Variants in NBEAL1 observed in about 807,000 individuals in gnomAD.
NBEAL1 encodes neurobeachin like 1.
Under a neutral mutation model 351.3 loss-of-function variants are expected in NBEAL1, and 273 were observed. That is an observed-to-expected ratio of 0.78 (90% CI 0.70 to 0.86). NBEAL1 has a LOEUF of 0.86. NBEAL1 is among the 40% of genes least tolerant of loss of function. The probability of loss-of-function intolerance (pLI) is 0.00; values close to 1 mark genes in which losing one functional copy is unlikely to be tolerated. For synonymous variants in NBEAL1, 1,050 were observed against 1,086.4 expected (o/e 0.97, Z 0.66); for missense variants, 2,961 against 3,201.3 (o/e 0.92, Z 1.81).
At position 203,223,627 on chromosome 2, in the gene NBEAL1, A is replaced by G. The variant is rs1006343040; in HGVS notation, c.*6273A>G. The stretch of plus-strand genomic sequence containing the variant: ...TCAGCTACTTTTTAAAAGAAGTCCT[A>G]TTCCAATTGGACCTTTAAAATTTTT... On this transcript the variant is annotated 3_prime_UTR_variant, in exon 56 of 56. Coordinates refer to ENST00000683969, the MANE Select transcript of NBEAL1 (RefSeq NM_001378026.1). 1.3e-5 allele frequency among the ~76,000 whole-genome samples: 2 copies of G among 152,200 alleles called. No individual in the cohort carries two copies. Among genetic ancestry groups the G allele is most frequent in the East Asian group, 1.9e-4 (1 of 5,190 alleles).
At chr2:203,130,958 T>G (rs1207206072) in intron 25 of NBEAL1, among the ~76,000 whole-genome samples, 1 of 152,222 alleles carries the variant, frequency 6.6e-6, no homozygotes, top group African/African-American at 2.4e-5. Flanking sequence ...AAGAGTTGCT[T>G]CACAAATGTT....
chr2:203,208,905 C>T, intron 52 of NBEAL1, 152 bp downstream of exon 52: 1 of 635,776 alleles, frequency 1.6e-6, no homozygotes. Flanking sequence ...ATAGACTTTG[C>T]AAAATAAAGA....
At chr2:203,038,880 A>G (rs11683354) in intron 2 of NBEAL1, among the ~76,000 whole-genome samples, 70,018 of 147,372 alleles carry the variant, frequency 0.48, 22,226 homozygotes, top group Middle Eastern at 0.76. Context: ...GGATCTCACT[A>G]TGTTGCTTAG....
chr2:203,115,119 A>G (rs1369051335), intron 17 of NBEAL1, among the ~76,000 whole-genome samples: 1 of 142,492 alleles, frequency 7.0e-6, no homozygotes, highest in Non-Finnish European at 1.5e-5. Flanking sequence ...TAGGTTGTTT[A>G]TAATTTCTTT....
intron 42 of NBEAL1, among the ~76,000 whole-genome samples, chr2:203,178,148 C>G (rs554494777): frequency 1.1e-5 from 1 of 93,346 alleles, no homozygotes; most frequent in African/African-American, 3.0e-5. Context: ...TTCATACCAG[C>G]CTTTTTTTTT....
At chr2:203,180,297 C>A (rs2064666191) in intron 42 of NBEAL1, 85 bp from the exon 43 acceptor site, 5 of 1,242,662 alleles carry the variant, frequency 4.0e-6, no homozygotes, top group Middle Eastern at 2.6e-4. Context: ...TCATTAGGAA[C>A]CCTGAAGGGA....
chr2:203,211,374 C>T (rs909384329), intron 54 of NBEAL1, among the ~76,000 whole-genome samples: 3 of 152,102 alleles, frequency 2.0e-5, no homozygotes, highest in African/African-American at 7.2e-5. Context: ...GACATAGTCA[C>T]TCCTGCCTGT....
chr2:203,042,745 G>A (rs1019010772), intron 3 of NBEAL1, among the ~76,000 whole-genome samples: 2 of 152,022 alleles, frequency 1.3e-5, no homozygotes, highest in Non-Finnish European at 2.9e-5. Context: ...ACGCCACCAT[G>A]CTTGGCTAAT....
chr2:203,034,527 C>T (rs2061010442), intron 2 of NBEAL1, among the ~76,000 whole-genome samples: 2 of 140,778 alleles, frequency 1.4e-5, no homozygotes, highest in Admixed American at 7.3e-5. Flanking sequence ...GGCACAATCT[C>T]GGCTCACTGA....
At chr2:203,211,686 A>G (rs1414524839) in intron 54 of NBEAL1, among the ~76,000 whole-genome samples, 1 of 152,194 alleles carries the variant, frequency 6.6e-6, no homozygotes, top group Non-Finnish European at 1.5e-5. Context: ...AAAAATGTTC[A>G]TAGTACCAAG....
intron 2 of NBEAL1, among the ~76,000 whole-genome samples, chr2:203,033,817 C>T (rs1333807971): frequency 6.6e-6 from 1 of 152,172 alleles, no homozygotes. Flanking sequence ...TGGAATGATA[C>T]CAAATGTTAT....
At position 203,097,352 on chromosome 2, in the gene NBEAL1, G is replaced by A. The variant is rs564368120; in HGVS notation, c.1099-195G>A. On this transcript the variant is annotated intron_variant, in intron 10 of 55. Transcript: ENST00000683969. ...ATTTTAGTAACTTTGAATTCCAAGA[G>A]AGAAATATCTAAACTACTATTAGTT... Among the ~76,000 whole-genome samples, 13 of 152,240 alleles carry A rather than the reference G, an allele frequency of 8.5e-5. No homozygotes were observed. In the South Asian group the frequency reaches 2.5e-3, roughly 29 times the overall value.
In NBEAL1 at chr2:203,107,933, G is replaced by A. The variant is rs2062472509; in HGVS notation, c.1694G>A (p.Arg565Lys). ...EEIRRLLRLL[R>K]VDESESVHPY... ...ATCCGTCGACTACTGAGATTGCTGAGAGTGGATGAATCTGAGTCTGTTCAC... is the reference window on the plus strand; with the variant it reads ...ATCCGTCGACTACTGAGATTGCTGAAAGTGGATGAATCTGAGTCTGTTCAC... The change falls in exon 14 of 56, where the codon AGA (arginine) becomes AAA (lysine). Residue 565 changes from arginine (R) to lysine (K), a missense_variant. Arg to Lys is a conservative substitution (Grantham distance 26). Transcript: ENST00000683969. 1 of 1,553,782 alleles carries A rather than the reference G, an allele frequency of 6.4e-7. No individual in the cohort carries two copies. The highest frequency in any genetic ancestry group is 1.2e-5 in the South Asian group (1 of 84,244).
intron 2 of NBEAL1, among the ~76,000 whole-genome samples, chr2:203,034,837 T>A (rs993464174): frequency 2.7e-5 from 4 of 148,544 alleles, no homozygotes; most frequent in African/African-American, 9.8e-5. Flanking sequence ...TAGTCACTTT[T>A]ACAATGTTTC....
chr2:203,196,672 A>G (rs1042056598), intron 47 of NBEAL1, among the ~76,000 whole-genome samples: 9 of 152,240 alleles, frequency 5.9e-5, no homozygotes, highest in Non-Finnish European at 1.3e-4. Flanking sequence ...ACAACACCTG[A>G]TACATAGTAC....
chr2:203,216,502 G>A (rs1287015157), intron 55 of NBEAL1, among the ~76,000 whole-genome samples: 1 of 151,518 alleles, frequency 6.6e-6, no homozygotes. Context: ...CCAGCACTTT[G>A]GGAGGCTGAG....
chr2:203,084,751 C>T (rs553101115), intron 10 of NBEAL1, 182 bp downstream of exon 10: 97 of 409,240 alleles, frequency 2.4e-4, no homozygotes, highest in African/African-American at 1.8e-3. Flanking sequence ...TGTCTAAATA[C>T]TTTAAAGGTA....
intron 4 of NBEAL1, among the ~76,000 whole-genome samples, chr2:203,051,885 A>G (rs1372794759): frequency 6.6e-6 from 1 of 152,126 alleles, no homozygotes; most frequent in Admixed American, 6.6e-5. Flanking sequence ...ACTTTAATAA[A>G]CTTTATGTTT....
At chr2:203,177,730 A>T (rs1488877931) in intron 42 of NBEAL1, among the ~76,000 whole-genome samples, 3 of 152,074 alleles carry the variant, frequency 2.0e-5, no homozygotes, top group Non-Finnish European at 4.4e-5. Flanking sequence ...AAAGTTAAAT[A>T]TAGAGGGGCT....
Sources: gnomAD v4.1 joint callset for allele counts (sites outside exome capture counted in the v4.1 genomes callset) on GRCh38, gnomAD v4.1.1 for gene constraint, MANE v1.5 for transcripts, NCBI Gene and HGNC (gene_info 2026-07-23, HGNC 2026-07-21) for gene names.